CNTLN: variants seen among roughly 807,000 people sequenced by gnomAD.
CNTLN encodes centlein, centrosomal protein.
Under a neutral mutation model 180.0 loss-of-function variants are expected in CNTLN, and 212 were observed. The ratio of observed to expected loss-of-function variants is 1.18; its 90% CI spans 1.05 to 1.32. The LOEUF (loss-of-function observed/expected upper bound fraction) is 1.32. Among genes scored for constraint, CNTLN ranks in the 40% most tolerant of loss-of-function variants. CNTLN has a pLI of 0.00. For synonymous variants in CNTLN, 722 were observed against 563.1 expected, an observed-to-expected ratio of 1.28 and a Z score of -3.99; for missense variants, 2,095 against 1,610.9, an observed-to-expected ratio of 1.30 and a Z score of -5.14.
At chr9:17,484,514 T>G in intron 24 of CNTLN, 34 bp downstream of exon 24, 301 of 1,502,736 alleles carry the variant, frequency 2.0e-4, no homozygotes, top group Non-Finnish European at 2.5e-4. Context: ...ATTAAAGGGT[T>G]TATTATACAC....
At chr9:17,312,162 T>C in intron 8 of CNTLN, among the ~76,000 whole-genome samples, 1 of 151,882 alleles carries the variant, frequency 6.6e-6, no homozygotes. Flanking sequence ...CCTCAATTTC[T>C]ACAAATAAGC....
rs143655340 is a variant in CNTLN, at chr9:17,372,085, T to A, written c.1987+5368T>A. ...AGCTAGAGCTAATCAAACCCAAAAT[T>A]AGTAAAAGAAAAGAAGTAGTAAAGA... On this transcript the variant is annotated intron_variant, in intron 13 of 25. Transcript: ENST00000380647. Among the ~76,000 whole-genome samples, 565 of 151,876 alleles carry A rather than the reference T, an allele frequency of 3.7e-3. 1 individual carries two copies. The highest frequency in any genetic ancestry group is 0.012 in the African/African-American group (502 of 41,442).
intron 2 of CNTLN, among the ~76,000 whole-genome samples, chr9:17,160,902 A>C (rs1369215034): frequency 6.6e-6 from 1 of 152,172 alleles, no homozygotes; most frequent in Non-Finnish European, 1.5e-5. Flanking sequence ...TCAGGTATCA[A>C]TTGAATGTCA....
intron 24 of CNTLN, among the ~76,000 whole-genome samples, chr9:17,486,227 A>C (rs1223097915): frequency 6.6e-6 from 1 of 152,176 alleles, no homozygotes; most frequent in Non-Finnish European, 1.5e-5. Flanking sequence ...ATCGAACTGT[A>C]GTAAATTCAC....
At chr9:17,485,915 G>A (rs553909006) in intron 24 of CNTLN, among the ~76,000 whole-genome samples, 1 of 152,064 alleles carries the variant, frequency 6.6e-6, no homozygotes, top group Non-Finnish European at 1.5e-5. Flanking sequence ...TCTCTTGATA[G>A]CCCCAAAGAC....
intron 5 of CNTLN, among the ~76,000 whole-genome samples, chr9:17,272,436 AG>A (rs768534582): frequency 2.1e-4 from 32 of 152,152 alleles, no homozygotes; most frequent in Admixed American, 8.5e-4. Context: ...TAGATTTTGA[AG>A]GGTGTGTCTT....
chr9:17,339,188 G>A (rs1042045112), intron 10 of CNTLN, among the ~76,000 whole-genome samples: 2 of 152,124 alleles, frequency 1.3e-5, no homozygotes, highest in Non-Finnish European at 2.9e-5. Context: ...CTACTTAAGA[G>A]AACTATCCTA....
chr9:17,400,584 C>T (rs1469024253), intron 15 of CNTLN, among the ~76,000 whole-genome samples: 1 of 152,056 alleles, frequency 6.6e-6, no homozygotes, highest in African/African-American at 2.4e-5. Context: ...TTTCATTATC[C>T]ATAAAATAGG....
rs62561377 is a variant in CNTLN at position 17,325,378 on chromosome 9, A to G, written c.1342-5254A>G. Among the ~76,000 whole-genome samples, 72 of 128,172 alleles carry G rather than the reference A, an allele frequency of 5.6e-4. 1 individual carries two copies. Among genetic ancestry groups the G allele is most frequent in the Middle Eastern group, 4.7e-3 (1 of 212 alleles). 84.1% of individuals were successfully genotyped at this position (128,172 alleles called of 152,430 possible). A position where few individuals can be genotyped will look rare whatever the true frequency, so the allele number is the denominator to read the frequency against. On this transcript the variant is annotated intron_variant, in intron 8 of 25. Transcript: ENST00000380647. ...GAAAAGTGTGTGTGCATGTGTATGT[A>G]TGTGTGTGTGTGTGTGTGTGTGTGT...
At chr9:17,212,394 A>G (rs770424606) in intron 2 of CNTLN, among the ~76,000 whole-genome samples, 2 of 152,184 alleles carry the variant, frequency 1.3e-5, no homozygotes, top group Non-Finnish European at 2.9e-5. Flanking sequence ...CTTGCATCCT[A>G]GGGGTGAAGC....
At chr9:17,291,152 G>C (rs677490) in intron 6 of CNTLN, among the ~76,000 whole-genome samples, 30,333 of 152,062 alleles carry the variant, frequency 0.2, 3,739 homozygotes, top group African/African-American at 0.34. Flanking sequence ...ATTTGATTGC[G>C]CTGTTTTCTG....
At chr9:17,329,159 C>A (rs936073267) in intron 8 of CNTLN, among the ~76,000 whole-genome samples, 6 of 151,754 alleles carry the variant, frequency 4.0e-5, no homozygotes, top group Non-Finnish European at 4.4e-5. Context: ...TTTTGTTTGA[C>A]CTTAAACAAA....
At chr9:17,496,508 G>A (rs747644542) in intron 25 of CNTLN, among the ~76,000 whole-genome samples, 8 of 152,082 alleles carry the variant, frequency 5.3e-5, no homozygotes, top group African/African-American at 1.4e-4. Flanking sequence ...ATTACCTCCC[G>A]AAGCCCTTAT....
Position 17,457,164 on chromosome 9 carries a change from A to G in CNTLN, c.3115-360A>G, listed in dbSNP as rs73641961. Among the ~76,000 whole-genome samples the G allele has an allele frequency of 4.2e-3, 646 of 152,258 alleles. 2 individuals carry two copies. The highest frequency in any genetic ancestry group is 0.015 in the African/African-American group (610 of 41,554). On this transcript the variant is annotated intron_variant, in intron 18 of 25. Transcript: ENST00000380647. The stretch of plus-strand genomic sequence containing the variant: ...AACATCTGTTATCTTGTCCTGCTCC[A>G]GCTTGGCTTTTCCCAGTTAAGTACT...
chr9:17,275,163 T>C (rs2132529984), intron 6 of CNTLN, among the ~76,000 whole-genome samples: 1 of 152,268 alleles, frequency 6.6e-6, no homozygotes, highest in Non-Finnish European at 1.5e-5. Context: ...CCTAGTAAGA[T>C]TGCATAGCGT....
chr9:17,482,601 A>G (rs1042980766), intron 23 of CNTLN, among the ~76,000 whole-genome samples: 17 of 152,218 alleles, frequency 1.1e-4, no homozygotes, highest in African/African-American at 4.1e-4. Flanking sequence ...CACAAGCTGA[A>G]TGTGAAATTC....
intron 14 of CNTLN, among the ~76,000 whole-genome samples, chr9:17,393,396 G>A (rs1826256882): frequency 6.6e-6 from 1 of 152,084 alleles, no homozygotes; most frequent in South Asian, 2.1e-4. Flanking sequence ...TACTTTTTCA[G>A]TCATTTAGAT....
rs1827671328 is a variant in CNTLN at position 17,409,442 on chromosome 9, CATATTTAA to C, written c.2770_2777del (p.Leu924ArgfsTer11). 2 of 1,606,420 alleles carry C rather than the reference CATATTTAA, an allele frequency of 1.2e-6. No individual in the cohort carries two copies. The highest frequency in any genetic ancestry group is 2.7e-5 in the African/African-American group (2 of 74,172). Reference sequence around the variant, plus strand: ...ACACAAGGAAAAGAAATAGTACAGACATATTTAAATATAGATGGCAAGACCCCAAAGGT... The same window carrying C: ...ACACAAGGAAAAGAAATAGTACAGACATATAGATGGCAAGACCCCAAAGGT... On this transcript the variant is annotated frameshift_variant, in exon 16 of 26. Transcript: ENST00000380647. LOFTEE classifies it high-confidence loss of function.
chr9:17,332,779 A>G (rs1462121552), intron 10 of CNTLN, 49 bp downstream of exon 10: 5 of 1,464,338 alleles, frequency 3.4e-6, no homozygotes, highest in Admixed American at 2.4e-5. Flanking sequence ...AGATAAAAAT[A>G]TACCAAAGTA....
Sources: allele counts gnomAD v4.1 joint callset (sites outside exome capture counted in the v4.1 genomes callset), GRCh38; gene constraint gnomAD v4.1.1; transcripts MANE v1.5; gene names NCBI Gene and HGNC (gene_info 2026-07-23, HGNC 2026-07-21).